The following SMG6 variants were observed in gnomAD, a reference collection of about 807,000 sequenced individuals.
SMG6 encodes telomerase-binding protein EST1A.
SMG6 carries 66 observed loss-of-function variants against 142.2 expected under a neutral mutation model. The ratio of observed to expected loss-of-function variants is 0.46; its 90% CI spans 0.38 to 0.57. The LOEUF is 0.57. SMG6 is among the 20% of genes least tolerant of loss of function. The pLI is 0.00. For missense variants in SMG6, 1,793 were observed against 1,832.0 expected, an observed-to-expected ratio of 0.98 and a Z score of 0.39; for synonymous variants, 779 against 702.4, an observed-to-expected ratio of 1.11 and a Z score of -1.72.
At chr17:2,167,705 G>T (rs185322083) in intron 13 of SMG6, among the ~76,000 whole-genome samples, 3 of 152,228 alleles carry the variant, frequency 2.0e-5, no homozygotes, top group African/African-American at 7.2e-5. Flanking sequence ...TACGTGTTTC[G>T]TAAGTATCTG....
chr17:2,154,912 T>C (rs1271653074), intron 13 of SMG6, among the ~76,000 whole-genome samples: 2 of 152,042 alleles, frequency 1.3e-5, no homozygotes, highest in Non-Finnish European at 2.9e-5. Context: ...AGCATGTACC[T>C]GTGGTCCCAG....
At position 2,190,637 on chromosome 17, in the gene SMG6, C is replaced by T. The variant is rs182337564; in HGVS notation, c.2870-2122G>A. Among the ~76,000 whole-genome samples the T allele has an allele frequency of 2.9e-3, 435 of 152,342 alleles. 1 individual carries two copies. Among genetic ancestry groups the T allele is most frequent in the Non-Finnish European group, 3.7e-3 (251 of 68,032 alleles). On this transcript the variant is annotated intron_variant, in intron 10 of 18. Coordinates refer to ENST00000263073, the MANE Select transcript of SMG6 (RefSeq NM_017575.5). ...TCCAGGTTGGCTCCTTTTCTAAAGG[C>T]TCCTGCAATAAGGTCTGGAGACCAG... is the stretch of plus-strand genomic sequence containing the variant.
rs1187194993 is a variant in SMG6 at position 2,297,867 on chromosome 17, T to C, written c.2036A>G (p.Asp679Gly). The C allele has an allele frequency of 1.6e-5, 25 of 1,609,626 alleles. No individual in the cohort carries two copies. The highest frequency in any genetic ancestry group is 2.1e-5 in the Non-Finnish European group (25 of 1,179,934). The change falls in exon 3 of 19, where the codon GAT becomes GGT. Residue 679 changes from aspartate (D) to glycine (G), a missense_variant. Asp to Gly is a moderately conservative substitution (Grantham distance 94). Transcript: ENST00000263073. ...QIRNRLLELL[D>G]EGSDFFDSLL... ...GACAAAAAGATGACAGTTTACCTCA[T>C]CCAAGAGCTCCAAAAGTCTGTTCCG...
At chr17:2,182,931 G>A (rs902730359) in intron 12 of SMG6, among the ~76,000 whole-genome samples, 1 of 152,234 alleles carries the variant, frequency 6.6e-6, no homozygotes, top group African/African-American at 2.4e-5. Context: ...AACAGAGAAA[G>A]ACAGAGACAC....
At chr17:2,289,945 T>TAC (rs972195753) in intron 6 of SMG6, among the ~76,000 whole-genome samples, 3 of 118,114 alleles carry the variant, frequency 2.5e-5, no homozygotes, top group African/African-American at 1.2e-4. Context: ...TTTATACATA[T>TAC]ATATATATAT....
intron 13 of SMG6, among the ~76,000 whole-genome samples, chr17:2,132,084 A>G (rs1014342646): frequency 6.6e-6 from 1 of 152,064 alleles, no homozygotes; most frequent in Non-Finnish European, 1.5e-5. Context: ...AAAAAAAGAA[A>G]AAAAAAAGGA....
intron 8 of SMG6, among the ~76,000 whole-genome samples, chr17:2,274,921 A>G (rs2074614837): frequency 6.6e-6 from 1 of 151,910 alleles, no homozygotes; most frequent in South Asian, 2.1e-4. Context: ...TAGGAGTTTG[A>G]GACCATCCCA....
chr17:2,066,372 C>CTGTGTGTGTGTG (rs57221830), intron 16 of SMG6, among the ~76,000 whole-genome samples: 3 of 149,580 alleles, frequency 2.0e-5, no homozygotes, highest in African/African-American at 4.9e-5. Flanking sequence ...GTATATGTCT[C>CTGTGTGTGTGTG]TGTGTGTGTG....
intron 13 of SMG6, among the ~76,000 whole-genome samples, chr17:2,111,301 G>C (rs1339602784): frequency 6.6e-6 from 1 of 152,162 alleles, no homozygotes; most frequent in Non-Finnish European, 1.5e-5. Context: ...GCAGGGTGGG[G>C]AAGAGTATTG....
At chr17:2,198,276 T>G (rs2072394597) in intron 10 of SMG6, among the ~76,000 whole-genome samples, 2 of 152,236 alleles carry the variant, frequency 1.3e-5, no homozygotes, top group Admixed American at 6.5e-5. Context: ...TATAATATTC[T>G]TGAAATAATA....
At chr17:2,143,978 C>T (rs1318079468) in intron 13 of SMG6, among the ~76,000 whole-genome samples, 3 of 150,948 alleles carry the variant, frequency 2.0e-5, no homozygotes, top group Non-Finnish European at 2.9e-5. Flanking sequence ...GGCTGAAACT[C>T]CTGGACTTAA....
intron 8 of SMG6, among the ~76,000 whole-genome samples, chr17:2,263,254 A>T (rs1328931137): frequency 1.3e-5 from 2 of 152,258 alleles, no homozygotes; most frequent in African/African-American, 4.8e-5. Flanking sequence ...TACTAAGAGC[A>T]GAAATTTCTT....
intron 11 of SMG6, among the ~76,000 whole-genome samples, chr17:2,187,481 A>G (rs1302267242): frequency 1.3e-5 from 2 of 152,196 alleles, no homozygotes; most frequent in South Asian, 2.1e-4. Context: ...ACCGTTGTTA[A>G]GAGAATATCC....
intron 4 of SMG6, among the ~76,000 whole-genome samples, chr17:2,294,249 T>G (rs2075100272): frequency 6.6e-6 from 1 of 152,178 alleles, no homozygotes; most frequent in Non-Finnish European, 1.5e-5. Flanking sequence ...GTTCCACAGA[T>G]TCTATGAATG....
At chr17:2,135,514 T>A (rs1178497826) in intron 13 of SMG6, among the ~76,000 whole-genome samples, 1 of 152,138 alleles carries the variant, frequency 6.6e-6, no homozygotes, top group Non-Finnish European at 1.5e-5. Flanking sequence ...TTATACTTAG[T>A]GACTTTATCA....
rs1290531854 is a variant in SMG6 at position 2,068,571 on chromosome 17, G to C, written c.3835+207C>G. 6.6e-6 allele frequency among the ~76,000 whole-genome samples: 1 copy of C among 152,240 alleles called. No individual in the cohort carries two copies. The highest frequency in any genetic ancestry group is 2.4e-5 in the African/African-American group (1 of 41,464). On this transcript the variant is annotated intron_variant, in intron 16 of 18. Coordinates refer to ENST00000263073, the MANE Select transcript of SMG6 (RefSeq NM_017575.5). The surrounding 1 kb of genome is among the most constrained non-coding windows in gnomAD (Gnocchi z 6.7). ...ACACAGGAGTCCATTTGCTCAAGCAGTTTAAGCCATGGATCAGCCATGAGA... is the reference window on the plus strand; with the variant it reads ...ACACAGGAGTCCATTTGCTCAAGCACTTTAAGCCATGGATCAGCCATGAGA...
At chr17:2,126,537 C>T (rs2069883284) in intron 13 of SMG6, among the ~76,000 whole-genome samples, 1 of 151,418 alleles carries the variant, frequency 6.6e-6, no homozygotes, top group African/African-American at 2.4e-5. Flanking sequence ...CCAGACTGGC[C>T]AACATGGTGA....
intron 8 of SMG6, among the ~76,000 whole-genome samples, chr17:2,255,423 A>AAAAT (rs2074148617): frequency 6.7e-6 from 1 of 149,422 alleles, no homozygotes; most frequent in Non-Finnish European, 1.5e-5. Flanking sequence ...AAAAAAAAAA[A>AAAAT]AAAAAAGAAT....
At chr17:2,164,562 C>T (rs1027013066) in intron 13 of SMG6, among the ~76,000 whole-genome samples, 2 of 151,852 alleles carry the variant, frequency 1.3e-5, no homozygotes, top group South Asian at 2.1e-4. Flanking sequence ...GTGCCGAGAT[C>T]GCGCCACTGC....
Sources: allele counts gnomAD v4.1 joint callset (sites outside exome capture counted in the v4.1 genomes callset), GRCh38; gene constraint gnomAD v4.1.1; non-coding constraint Gnocchi (gnomAD v3.1); transcripts MANE v1.5; gene names NCBI Gene and HGNC (gene_info 2026-07-23, HGNC 2026-07-21).